The following ALG8 variants were observed in gnomAD, a reference collection of about 807,000 sequenced individuals.
ALG8 encodes the protein ALG8 alpha-1,3-glucosyltransferase.
Under a neutral mutation model 70.2 loss-of-function variants are expected in ALG8, and 48 were observed. The ratio of observed to expected loss-of-function variants is 0.68; its 90% CI spans 0.54 to 0.87. The LOEUF is 0.87. Among genes scored for constraint, ALG8 ranks in the 40% least tolerant of loss-of-function variants. The pLI is 0.00. For missense variants in ALG8, 572 were observed against 608.7 expected (o/e 0.94, Z 0.64); for synonymous variants, 234 against 229.0 (o/e 1.02, Z -0.20).
Position 78,127,399 on chromosome 11 carries a change from C to T in ALG8, c.133G>A (p.Ala45Thr), listed in dbSNP as rs747417706. ...GATATTGGCAAACTGTGAGTGATAG[C>T]AAGCCAGTTTCGGTGTACTTCAAAA... ...TDFEVHRNWL[A>T]ITHSLPISQW... Residue 45 changes from alanine to threonine, a missense_variant, in exon 2 of 13, where the codon GCT becomes ACT. Coordinates refer to ENST00000299626, the MANE Select transcript of ALG8 (RefSeq NM_024079.5). 3 of 1,613,474 alleles carry T rather than the reference C, an allele frequency of 1.9e-6. No homozygotes were observed. Among genetic ancestry groups the T allele is most frequent in the Non-Finnish European group, 2.5e-6 (3 of 1,179,882 alleles).
intron 2 of ALG8, among the ~76,000 whole-genome samples, chr11:78,124,820 A>G (rs1456853314): frequency 6.6e-6 from 1 of 152,178 alleles, no homozygotes; most frequent in African/African-American, 2.4e-5. Flanking sequence ...ATGCTATTAT[A>G]TTTTGTTTCA....
intron 1 of ALG8, among the ~76,000 whole-genome samples, chr11:78,129,555 C>G (rs1861218094): frequency 1.3e-5 from 2 of 152,142 alleles, no homozygotes; most frequent in Non-Finnish European, 2.9e-5. Flanking sequence ...CAGCAGTTCT[C>G]AAAGTGTGAT....
At position 78,114,589 on chromosome 11, in the gene ALG8, G is replaced by A. The variant is rs535604434; in HGVS notation, c.547-197C>T. The A allele has an allele frequency of 4.5e-6, 3 of 667,318 alleles. No homozygotes were observed. In the South Asian group the frequency reaches 5.1e-5, roughly 11 times the overall value. The allele number at this position is 667,318 out of a possible 1,614,324, so 41.3% of individuals were successfully genotyped here. On this transcript the variant is annotated intron_variant, in intron 5 of 12. Coordinates refer to ENST00000299626, the MANE Select transcript of ALG8 (RefSeq NM_024079.5). ...GTAAGGTGGTAATGGGGGAAAATGG[G>A]TGAGGGATATATAGGAACTCTCTGT...
intron 10 of ALG8, among the ~76,000 whole-genome samples, chr11:78,105,193 C>T (rs909395385): frequency 2.0e-5 from 3 of 152,132 alleles, no homozygotes; most frequent in Non-Finnish European, 2.9e-5. Flanking sequence ...AATTTGGAAA[C>T]TCCAAGCTGC....
chr11:78,114,775 G>A (rs1239810982), intron 5 of ALG8: 1 of 416,778 alleles, frequency 2.4e-6, no homozygotes. Context: ...AGACCAGCCT[G>A]GACAAAATAG....
At chr11:78,105,705 C>G (rs1415410818) in intron 10 of ALG8, among the ~76,000 whole-genome samples, 3 of 132,454 alleles carry the variant, frequency 2.3e-5, no homozygotes, top group Non-Finnish European at 5.0e-5. Flanking sequence ...TTTTAACTAT[C>G]TTTTTTTTTT....
Position 78,121,164 on chromosome 11 carries a change from A to G in ALG8, c.379T>C (p.Cys127Arg). The change falls in exon 4 of 13, where the codon TGC (cysteine) becomes CGC (arginine). Residue 127 changes from cysteine (C) to arginine (R), a missense_variant. Cys to Arg is a radical substitution (Grantham distance 180, BLOSUM62 -3). Transcript: ENST00000299626. ...FVYAVRECCK[C>R]IDGKKVGKEL... is the part of the protein sequence containing the mutation. Reference sequence around the variant, plus strand: ...TTACCCACTTTTTTTCCATCAATGCATTTACAGCACCTACATTGAAACATT... The same window carrying G: ...TTACCCACTTTTTTTCCATCAATGCGTTTACAGCACCTACATTGAAACATT... The G allele has an allele frequency of 6.2e-7, 1 of 1,611,578 alleles. No individual in the cohort carries two copies. The highest frequency in any genetic ancestry group is 8.5e-7 in the Non-Finnish European group (1 of 1,178,082).
chr11:78,123,032 G>GAA (rs140013289), intron 3 of ALG8, among the ~76,000 whole-genome samples: 56,819 of 151,888 alleles, frequency 0.37, 11,666 homozygotes, highest in Non-Finnish European at 0.45. Context: ...AATGAGGTCG[G>GAA]TGCAGCGGCT....
chr11:78,126,904 T>A (rs1259884013), intron 2 of ALG8, among the ~76,000 whole-genome samples: 1 of 152,180 alleles, frequency 6.6e-6, no homozygotes, highest in Non-Finnish European at 1.5e-5. Context: ...GTAAGGGGAT[T>A]CCCTAGTAGT....
In ALG8 at chr11:78,119,042, A is replaced by C. The variant is rs1860705721; in HGVS notation, c.546+140T>G. 5 of 664,850 alleles carry C rather than the reference A, an allele frequency of 7.5e-6. No individual in the cohort carries two copies. The Admixed American group carries it at 1.4e-4, about 18-fold the overall frequency. The allele number at this position is 664,850 out of a possible 1,614,324, so 41.2% of individuals were successfully genotyped here. ...CAAAAGAGAAGATGGAATTTGTGAG[A>C]AATACCTAATAAAAGTGTCTATCGC... On this transcript the variant is annotated intron_variant, in intron 5 of 12. Transcript: ENST00000299626.
At chr11:78,126,216 A>G (rs183451581) in intron 2 of ALG8, among the ~76,000 whole-genome samples, 11 of 152,028 alleles carry the variant, frequency 7.2e-5, no homozygotes, top group Admixed American at 3.9e-4. Context: ...TATTACACAC[A>G]GTTTAGTAAT....
chr11:78,113,564 T>C (rs1860399792), intron 7 of ALG8, among the ~76,000 whole-genome samples: 1 of 151,756 alleles, frequency 6.6e-6, no homozygotes, highest in Admixed American at 6.6e-5. Context: ...AATACAAAAA[T>C]TAGCCAGGCA....
In ALG8 at chr11:78,113,838, C is replaced by G. The variant is rs555803960; in HGVS notation, c.777+48G>C. 1.2e-4 allele frequency: 157 copies of G among 1,359,196 alleles called. 3 individuals carry two copies. In the South Asian group the frequency reaches 2.2e-3, roughly 19 times the overall value. The allele number at this position is 1,359,196 out of a possible 1,614,324, so 84.2% of individuals were successfully genotyped here. A position where few individuals can be genotyped will look rare whatever the true frequency, so the allele number is the denominator to read the frequency against. Reference sequence around the variant, plus strand: ...CTGGCTTTATTAGGTTTTCTAAACACCAACAAAGAACATGTATTAATTGAA... The same window carrying G: ...CTGGCTTTATTAGGTTTTCTAAACAGCAACAAAGAACATGTATTAATTGAA... On this transcript the variant is annotated intron_variant, in intron 7 of 12. Coordinates refer to ENST00000299626, the MANE Select transcript of ALG8 (RefSeq NM_024079.5).
Position 78,113,996 on chromosome 11 carries a change from A to G in ALG8, c.674-7T>C, listed in dbSNP as rs199603474. The G allele has an allele frequency of 1.3e-6, 2 of 1,593,352 alleles. No individual in the cohort carries two copies. Among genetic ancestry groups the G allele is most frequent in the Non-Finnish European group, 1.7e-6 (2 of 1,168,142 alleles). On this transcript the variant is annotated splice_region_variant and splice_polypyrimidine_tract_variant and intron_variant, in intron 6 of 12. Coordinates refer to ENST00000299626, the MANE Select transcript of ALG8 (RefSeq NM_024079.5). The stretch of plus-strand genomic sequence containing the variant: ...TTCCATCGAATAGACCCATCTACAG[A>G]AAAGGAACATTATCAGTAACCAGGA...
rs760264923 is a variant in ALG8, at chr11:78,109,596, T to C, written c.899-15A>G. The C allele has an allele frequency of 1.8e-5, 29 of 1,606,186 alleles. No homozygotes were observed. The highest frequency in any genetic ancestry group is 1.0e-4 in the Admixed American group (6 of 59,998). ...CAATTTCAAACCTATTAAACAGATATTTTGTTTTGTTTTATTTTTATCTTT... is the reference window on the plus strand; with the variant it reads ...CAATTTCAAACCTATTAAACAGATACTTTGTTTTGTTTTATTTTTATCTTT... On this transcript the variant is annotated splice_polypyrimidine_tract_variant and intron_variant, in intron 8 of 12. Transcript: ENST00000299626.
intron 7 of ALG8, among the ~76,000 whole-genome samples, chr11:78,113,657 G>A (rs1195021894): frequency 6.6e-6 from 1 of 150,410 alleles, no homozygotes; most frequent in African/African-American, 2.5e-5. Flanking sequence ...AGGTTGCAGT[G>A]AGCCGAGATC....
intron 5 of ALG8, chr11:78,114,825 AT>A: frequency 2.9e-6 from 1 of 349,772 alleles, no homozygotes; most frequent in East Asian, 7.7e-5. Context: ...AATAAAAAAA[AT>A]TAGCTAGGCG....
chr11:78,106,626 T>C (rs567048571), intron 10 of ALG8, among the ~76,000 whole-genome samples, 181 bp downstream of exon 10: 2 of 152,232 alleles, frequency 1.3e-5, no homozygotes, highest in South Asian at 2.1e-4. Flanking sequence ...CATTTTTGCA[T>C]ACCTTCATGG....
intron 1 of ALG8, chr11:78,133,603 A>G (rs970598652): frequency 1.3e-5 from 2 of 152,114 alleles, no homozygotes; most frequent in African/African-American, 4.8e-5. Context: ...AGAGCATGTA[A>G]AAGTTATGTT....
Sources: gnomAD v4.1 joint callset for allele counts (sites outside exome capture counted in the v4.1 genomes callset) on GRCh38, gnomAD v4.1.1 for gene constraint, MANE v1.5 for transcripts, NCBI Gene and HGNC (gene_info 2026-07-23, HGNC 2026-07-21) for gene names.